The following GALNT13 variants were observed in gnomAD, a reference collection of about 807,000 sequenced individuals.
The protein encoded by GALNT13 is polypeptide N-acetylgalactosaminyltransferase 13.
A neutral mutation model predicts 64.2 loss-of-function variants in GALNT13; 28 were observed. That is an observed-to-expected ratio of 0.44 (90% CI 0.32 to 0.60). The LOEUF is 0.60. GALNT13 is among the 20% of genes least tolerant of loss of function. GALNT13 has a pLI of 0.05. For synonymous variants in GALNT13, 214 were observed against 224.6 expected, an observed-to-expected ratio of 0.95 and a Z score of 0.42; for missense variants, 577 against 669.8, an observed-to-expected ratio of 0.86 and a Z score of 1.53.
chr2:153,747,248 C>A, the GALNT13 span, among the ~76,000 whole-genome samples: 3 of 151,742 alleles, frequency 2.0e-5, no homozygotes, highest in Non-Finnish European at 1.5e-5. Flanking sequence ...TTAAAATGTA[C>A]GATTATCATT....
the GALNT13 span, among the ~76,000 whole-genome samples, chr2:153,803,702 A>AAG: frequency 3.3e-5 from 5 of 150,658 alleles, no homozygotes; most frequent in Non-Finnish European, 5.9e-5. Context: ...AAAAAAAAAA[A>AAG]AAAAAAGAAA....
the GALNT13 span, among the ~76,000 whole-genome samples, chr2:153,648,698 G>A: frequency 6.6e-6 from 1 of 152,074 alleles, no homozygotes; most frequent in East Asian, 1.9e-4. Flanking sequence ...TTTGTTGAAG[G>A]CCTTTTCTGC....
At chr2:153,072,320 G>A in the GALNT13 span, among the ~76,000 whole-genome samples, 1 of 152,114 alleles carries the variant, frequency 6.6e-6, no homozygotes, top group Non-Finnish European at 1.5e-5. Flanking sequence ...GTGTGCCTCT[G>A]CAGACAGCCT....
chr2:153,645,891 C>A, the GALNT13 span, among the ~76,000 whole-genome samples: 1 of 152,034 alleles, frequency 6.6e-6, no homozygotes, highest in African/African-American at 2.4e-5. Context: ...GGTAGCTAGG[C>A]AACCAGCACC....
chr2:154,057,787 T>G (rs116304653), intron 3 of GALNT13, among the ~76,000 whole-genome samples: 127 of 152,350 alleles, frequency 8.3e-4, no homozygotes, highest in African/African-American at 2.9e-3. Context: ...CCTATGTAAT[T>G]GTATCATTAC....
chr2:154,243,495 A>T (rs1689608902), intron 6 of GALNT13, among the ~76,000 whole-genome samples: 1 of 152,194 alleles, frequency 6.6e-6, no homozygotes, highest in Non-Finnish European at 1.5e-5. Flanking sequence ...AAGAAACATA[A>T]GAGCACAGCT....
At chr2:153,147,175 C>T in the GALNT13 span, among the ~76,000 whole-genome samples, 1 of 151,522 alleles carries the variant, frequency 6.6e-6, no homozygotes, top group Non-Finnish European at 1.5e-5. Flanking sequence ...AGAGTTGATA[C>T]ATTATATGGG....
the GALNT13 span, among the ~76,000 whole-genome samples, chr2:153,642,384 A>T: frequency 6.6e-6 from 1 of 151,898 alleles, no homozygotes; most frequent in African/African-American, 2.4e-5. Context: ...ATATAAGAAC[A>T]TGGAAAAATC....
chr2:153,452,078 T>C, the GALNT13 span, among the ~76,000 whole-genome samples: 1 of 152,254 alleles, frequency 6.6e-6, no homozygotes, highest in Non-Finnish European at 1.5e-5. Context: ...GGTTTGGTTT[T>C]GGTTAACAAG....
the GALNT13 span, among the ~76,000 whole-genome samples, chr2:153,751,641 G>T: frequency 6.6e-6 from 1 of 151,728 alleles, no homozygotes; most frequent in Non-Finnish European, 1.5e-5. Context: ...CATAAGAATA[G>T]CTACTTCTGT....
intron 10 of GALNT13, among the ~76,000 whole-genome samples, chr2:154,407,807 T>C (rs896472002): frequency 2.0e-4 from 30 of 152,080 alleles, no homozygotes; most frequent in African/African-American, 7.2e-4. Flanking sequence ...CATACTATTC[T>C]CAGTTATTGA....
chr2:154,022,508 G>T lies in GALNT13; in HGVS notation c.142+77869G>T, dbSNP rs367841089. On this transcript the variant is annotated intron_variant, in intron 3 of 12. Coordinates refer to ENST00000392825, the MANE Select transcript of GALNT13 (RefSeq NM_052917.4). The stretch of plus-strand genomic sequence containing the variant: ...GGAGGTGTTTATAGTATTCTCTGAC[G>T]GTAGTTTGTATTTCTGTGGGATCAG... 2.6e-5 allele frequency among the ~76,000 whole-genome samples: 4 copies of T among 152,084 alleles called. No individual in the cohort carries two copies. The East Asian group carries it at 7.7e-4, about 29-fold the overall frequency.
At chr2:154,230,708 T>C (rs989650817) in intron 4 of GALNT13, among the ~76,000 whole-genome samples, 9 of 152,114 alleles carry the variant, frequency 5.9e-5, no homozygotes, top group African/African-American at 1.9e-4. Flanking sequence ...ATCAGCCTAG[T>C]GTACCCTCTC....
At chr2:153,080,908 T>C in the GALNT13 span, among the ~76,000 whole-genome samples, 2,899 of 152,172 alleles carry the variant, frequency 0.019, 38 homozygotes, top group Middle Eastern at 0.031. Flanking sequence ...TTTGAATTCT[T>C]CCTTTTCAAA....
At chr2:153,483,598 T>G in the GALNT13 span, among the ~76,000 whole-genome samples, 1 of 152,030 alleles carries the variant, frequency 6.6e-6, no homozygotes, top group Admixed American at 6.5e-5. Flanking sequence ...GTATTTTTAG[T>G]AGAGACGGGG....
the GALNT13 span, among the ~76,000 whole-genome samples, chr2:153,703,307 G>A: frequency 6.6e-6 from 1 of 151,944 alleles, no homozygotes; most frequent in Non-Finnish European, 1.5e-5. Context: ...TGATTCCATT[G>A]CTTACTGTAT....
the GALNT13 span, among the ~76,000 whole-genome samples, chr2:153,263,488 A>G: frequency 6.6e-6 from 1 of 152,198 alleles, no homozygotes; most frequent in Admixed American, 6.5e-5. Context: ...CCATATTGCT[A>G]AGAGAATCAA....
intron 3 of GALNT13, among the ~76,000 whole-genome samples, chr2:154,014,445 TC>T (rs940829117): frequency 6.6e-6 from 1 of 151,740 alleles, no homozygotes; most frequent in Non-Finnish European, 1.5e-5. Flanking sequence ...TCCAGATTCC[TC>T]CCGCTTCAGT....
chr2:154,019,484 A>G (rs568694805), intron 3 of GALNT13, among the ~76,000 whole-genome samples: 1 of 151,848 alleles, frequency 6.6e-6, no homozygotes, highest in Middle Eastern at 3.4e-3. Context: ...AATGCAAAAA[A>G]TTAGCTGGGT....
Sources: gnomAD v4.1 joint callset for allele counts (sites outside exome capture counted in the v4.1 genomes callset) on GRCh38, gnomAD v4.1.1 for gene constraint, MANE v1.5 for transcripts, NCBI Gene and HGNC (gene_info 2026-07-23, HGNC 2026-07-21) for gene names.